Variants in EXT1 observed in about 807,000 individuals in gnomAD.
The protein encoded by EXT1 is exostosin-1.
EXT1 carries 20 observed loss-of-function variants against 82.5 expected under a neutral mutation model. That is an observed-to-expected ratio of 0.24 (90% CI 0.17 to 0.35). The LOEUF is 0.35. EXT1 is among the 10% of genes least tolerant of loss of function. The pLI, the probability that EXT1 is intolerant of heterozygous loss-of-function variation, is 1.00. For synonymous variants in EXT1, 348 were observed against 350.8 expected (o/e 0.99, Z 0.09); for missense variants, 757 against 936.5 (o/e 0.81, Z 2.50).
At chr8:117,812,823 G>T (rs377567436) in intron 8 of EXT1, 49 bp downstream of exon 8, 1 of 1,505,506 alleles carries the variant, frequency 6.6e-7, no homozygotes, top group South Asian at 1.1e-5. Flanking sequence ...GCAACATGAG[G>T]TGACTGCCTG....
At chr8:118,014,714 T>C (rs1815970127) in intron 1 of EXT1, among the ~76,000 whole-genome samples, 2 of 152,112 alleles carry the variant, frequency 1.3e-5, no homozygotes, top group African/African-American at 4.8e-5. Context: ...GCTGGGATTA[T>C]AGGTAGGAGC....
intron 1 of EXT1, among the ~76,000 whole-genome samples, chr8:118,063,792 T>C (rs1010980128): frequency 2.6e-5 from 4 of 152,226 alleles, no homozygotes; most frequent in African/African-American, 9.6e-5. Context: ...AGATCTTACA[T>C]TATTATTATT....
chr8:117,946,579 G>A (rs904128424), intron 1 of EXT1, among the ~76,000 whole-genome samples: 4 of 152,146 alleles, frequency 2.6e-5, no homozygotes, highest in Admixed American at 6.5e-5. Flanking sequence ...GGGCAGGCAC[G>A]TAGCTTGGGC....
chr8:118,012,103 A>G (rs780812211), intron 1 of EXT1, among the ~76,000 whole-genome samples: 3 of 152,218 alleles, frequency 2.0e-5, no homozygotes, highest in Non-Finnish European at 4.4e-5. Context: ...TCCTTTCTTT[A>G]AAGTGCTTTG....
intron 7 of EXT1, among the ~76,000 whole-genome samples, chr8:117,814,384 G>A (rs955864017): frequency 6.6e-6 from 1 of 152,026 alleles, no homozygotes; most frequent in African/African-American, 2.4e-5. Context: ...CCATAAGAAT[G>A]CTGACACCAT....
chr8:117,908,369 C>G (rs1210817692), intron 1 of EXT1, among the ~76,000 whole-genome samples: 1 of 152,190 alleles, frequency 6.6e-6, no homozygotes, highest in Non-Finnish European at 1.5e-5. Context: ...GTGTCTCATG[C>G]CTGTAATCAC....
intron 1 of EXT1, among the ~76,000 whole-genome samples, chr8:117,841,042 A>T (rs192022539): frequency 6.6e-6 from 1 of 152,354 alleles, no homozygotes; most frequent in Admixed American, 6.5e-5. Context: ...GACTTACCAT[A>T]TGACCCAGTA....
chr8:118,040,103 T>C (rs1370068039), intron 1 of EXT1, among the ~76,000 whole-genome samples: 1 of 152,284 alleles, frequency 6.6e-6, no homozygotes, highest in African/African-American at 2.4e-5. Flanking sequence ...ACTTTCCTTC[T>C]CATTATGGTG....
chr8:118,052,019 A>G (rs531100913), intron 1 of EXT1, among the ~76,000 whole-genome samples: 1 of 152,334 alleles, frequency 6.6e-6, no homozygotes, highest in Admixed American at 6.5e-5. Context: ...TTTGAGAGTA[A>G]CAGATGAACT....
At chr8:118,037,578 G>GCA (rs1375896452) in intron 1 of EXT1, among the ~76,000 whole-genome samples, 5 of 151,670 alleles carry the variant, frequency 3.3e-5, no homozygotes, top group Admixed American at 6.6e-5. Flanking sequence ...GTTTTCTCTT[G>GCA]CACACACACA....
chr8:117,812,289 C>T (rs1429614051), intron 8 of EXT1, among the ~76,000 whole-genome samples: 4 of 152,144 alleles, frequency 2.6e-5, no homozygotes, highest in South Asian at 2.1e-4. Context: ...CTCTCCTCCA[C>T]GCGCATTCTT....
At chr8:117,985,361 C>T (rs751727815) in intron 1 of EXT1, among the ~76,000 whole-genome samples, 4 of 152,214 alleles carry the variant, frequency 2.6e-5, no homozygotes, top group South Asian at 2.1e-4. Flanking sequence ...AAACCTCTAG[C>T]GGGCACCAAT....
chr8:117,947,269 A>G (rs1358760773), intron 1 of EXT1, among the ~76,000 whole-genome samples: 1 of 152,230 alleles, frequency 6.6e-6, no homozygotes, highest in African/African-American at 2.4e-5. Flanking sequence ...TTCAGAGCTC[A>G]AACACATAAA....
chr8:117,931,784 C>A (rs979512265), intron 1 of EXT1, among the ~76,000 whole-genome samples: 13 of 152,194 alleles, frequency 8.5e-5, no homozygotes, highest in African/African-American at 3.1e-4. Context: ...ACCAGGACAT[C>A]ATAGCCTTAA....
At chr8:117,808,960 G>A (rs1197031320) in intron 8 of EXT1, among the ~76,000 whole-genome samples, 3 of 151,910 alleles carry the variant, frequency 2.0e-5, no homozygotes, top group Non-Finnish European at 4.4e-5. Flanking sequence ...TGCCGGCTGA[G>A]CTGGGACATC....
At chr8:117,964,623 GTGTTTGTTTGTTTGTT>G (rs879779532) in intron 1 of EXT1, among the ~76,000 whole-genome samples, 1 of 149,730 alleles carries the variant, frequency 6.7e-6, no homozygotes, top group Non-Finnish European at 1.5e-5. Context: ...GTGTGTGTGT[GTGTTTGTTTGTTTGTT>G]TGTTTGTTTG....
At chr8:118,094,728 C>G (rs888281698) in intron 1 of EXT1, among the ~76,000 whole-genome samples, 2 of 152,218 alleles carry the variant, frequency 1.3e-5, no homozygotes, top group Non-Finnish European at 2.9e-5. Flanking sequence ...GAGTCACCAT[C>G]TGAATTCAAA....
At chr8:117,951,638 C>G (rs1415351750) in intron 1 of EXT1, among the ~76,000 whole-genome samples, 3 of 152,168 alleles carry the variant, frequency 2.0e-5, no homozygotes, top group Non-Finnish European at 4.4e-5. Context: ...ATACAAGCCA[C>G]TCTTCTGGCT....
intron 1 of EXT1, among the ~76,000 whole-genome samples, chr8:118,042,543 C>T (rs554339805): frequency 1.1e-4 from 16 of 152,266 alleles, no homozygotes; most frequent in African/African-American, 3.8e-4. Context: ...GATCCACCCA[C>T]CTCAGCCTCC....
Sources: allele counts gnomAD v4.1 joint callset (sites outside exome capture counted in the v4.1 genomes callset), GRCh38; gene constraint gnomAD v4.1.1; transcripts MANE v1.5; gene names NCBI Gene and HGNC (gene_info 2026-07-23, HGNC 2026-07-21).